PPARGC1A: variants seen among roughly 807,000 people sequenced by gnomAD.
PPARGC1A encodes PPARG coactivator 1 alpha.
Under a neutral mutation model 88.7 loss-of-function variants are expected in PPARGC1A, and 25 were observed. The ratio of observed to expected loss-of-function variants is 0.28; its 90% CI spans 0.21 to 0.39. The LOEUF (loss-of-function observed/expected upper bound fraction) is 0.39, where lower values mean the gene tolerates loss of function less well. Among genes scored for constraint, PPARGC1A ranks in the 10% least tolerant of loss-of-function variants. The pLI, the probability that PPARGC1A is intolerant of heterozygous loss-of-function variation, is 1.00. For missense variants in PPARGC1A, 880 were observed against 968.7 expected (o/e 0.91, Z 1.22); for synonymous variants, 363 against 355.6 (o/e 1.02, Z -0.24).
the PPARGC1A span, among the ~76,000 whole-genome samples, chr4:24,186,708 C>T: frequency 6.6e-6 from 1 of 152,078 alleles, no homozygotes; most frequent in Non-Finnish European, 1.5e-5. Context: ...ACTTGGAGCA[C>T]ACGCTCCTTT....
At chr4:24,319,427 CAG>C in the PPARGC1A span, among the ~76,000 whole-genome samples, 1 of 152,094 alleles carries the variant, frequency 6.6e-6, no homozygotes, top group Non-Finnish European at 1.5e-5. Context: ...ATTATGAAAA[CAG>C]AGAAGTGTCA....
At chr4:24,071,332 T>A in the PPARGC1A span, among the ~76,000 whole-genome samples, 1 of 152,190 alleles carries the variant, frequency 6.6e-6, no homozygotes, top group Non-Finnish European at 1.5e-5. Context: ...ATACTCTGTT[T>A]CCTCATCTAA....
chr4:23,841,584 T>C (rs1171043132), intron 2 of PPARGC1A, among the ~76,000 whole-genome samples: 1 of 152,042 alleles, frequency 6.6e-6, no homozygotes, highest in African/African-American at 2.4e-5. Context: ...AATTGAATCG[T>C]TTTGTATTGT....
chr4:24,217,816 TAATAA>T, the PPARGC1A span, among the ~76,000 whole-genome samples: 1,270 of 151,666 alleles, frequency 8.4e-3, 16 homozygotes, highest in African/African-American at 0.027. Context: ...AAAATAATAA[TAATAA>T]AATAAAATAA....
At chr4:23,948,493 G>C in the PPARGC1A span, among the ~76,000 whole-genome samples, 1 of 152,140 alleles carries the variant, frequency 6.6e-6, no homozygotes, top group East Asian at 1.9e-4. Flanking sequence ...CTGAGGTAGA[G>C]AGAGGCTCAG....
the PPARGC1A span, among the ~76,000 whole-genome samples, chr4:24,427,274 C>CT: frequency 6.8e-6 from 1 of 148,016 alleles, no homozygotes; most frequent in South Asian, 2.1e-4. Context: ...TGCATCTATT[C>CT]TTTATTTATT....
the PPARGC1A span, among the ~76,000 whole-genome samples, chr4:23,909,489 A>C: frequency 2.0e-5 from 3 of 150,784 alleles, no homozygotes; most frequent in African/African-American, 7.3e-5. Flanking sequence ...CCTCTAATAA[A>C]AGTTCTGGGA....
chr4:24,292,015 G>A, the PPARGC1A span, among the ~76,000 whole-genome samples: 2 of 152,188 alleles, frequency 1.3e-5, no homozygotes, highest in Non-Finnish European at 2.9e-5. Flanking sequence ...GAGTGACGTG[G>A]CTTCTCCAAA....
chr4:23,827,994 G>T (rs1383636804), intron 5 of PPARGC1A, among the ~76,000 whole-genome samples: 1 of 152,070 alleles, frequency 6.6e-6, no homozygotes, highest in Non-Finnish European at 1.5e-5. Context: ...ACTTCTTAAG[G>T]TGTATATAAC....
the PPARGC1A span, among the ~76,000 whole-genome samples, chr4:24,083,265 C>T: frequency 2.0e-5 from 3 of 152,126 alleles, no homozygotes; most frequent in Non-Finnish European, 4.4e-5. Flanking sequence ...GGCTGTCTCC[C>T]TAACTGAGCT....
chr4:23,898,208 G>A (rs779301993), intron 1 of PPARGC1A, among the ~76,000 whole-genome samples: 36 of 152,046 alleles, frequency 2.4e-4, no homozygotes, highest in Non-Finnish European at 4.3e-4. Flanking sequence ...GGTGTGGAGG[G>A]AGGAAAAAAG....
At chr4:24,363,246 T>C in the PPARGC1A span, among the ~76,000 whole-genome samples, 1 of 151,966 alleles carries the variant, frequency 6.6e-6, no homozygotes, top group Admixed American at 6.6e-5. Flanking sequence ...CTAACTTACC[T>C]GAGCCTCAAT....
chr4:24,432,610 TG>T, the PPARGC1A span, among the ~76,000 whole-genome samples: 61 of 152,336 alleles, frequency 4.0e-4, no homozygotes, highest in African/African-American at 1.4e-3. Flanking sequence ...AGAGGTGCCC[TG>T]GAAGAAAGCC....
At chr4:24,397,845 T>C in the PPARGC1A span, among the ~76,000 whole-genome samples, 7 of 152,328 alleles carry the variant, frequency 4.6e-5, no homozygotes, top group African/African-American at 1.7e-4. Flanking sequence ...CAAAACAGTG[T>C]ATAAAATGCT....
the PPARGC1A span, among the ~76,000 whole-genome samples, chr4:24,372,409 G>C: frequency 6.6e-6 from 1 of 152,116 alleles, no homozygotes; most frequent in African/African-American, 2.4e-5. Context: ...TTCCCCTGTG[G>C]TTCTGCTATG....
the PPARGC1A span, among the ~76,000 whole-genome samples, chr4:24,239,886 A>G: frequency 6.6e-6 from 1 of 152,082 alleles, no homozygotes; most frequent in Non-Finnish European, 1.5e-5. Context: ...GGCTATAGAA[A>G]GAGGAGTTTC....
At chr4:23,837,791 C>T (rs1289756857) in intron 2 of PPARGC1A, among the ~76,000 whole-genome samples, 1 of 152,156 alleles carries the variant, frequency 6.6e-6, no homozygotes, top group Non-Finnish European at 1.5e-5. Context: ...GGGAAAGCAA[C>T]TTTTATAATA....
chr4:24,177,903 T>C, the PPARGC1A span, among the ~76,000 whole-genome samples: 1 of 152,300 alleles, frequency 6.6e-6, no homozygotes, highest in South Asian at 2.1e-4. Flanking sequence ...TTATGTGGAA[T>C]TATGCAGATT....
chr4:23,890,503 G>C (rs1306565688), upstream of PPARGC1A, among the ~76,000 whole-genome samples: 1 of 151,604 alleles, frequency 6.6e-6, no homozygotes, highest in Non-Finnish European at 1.5e-5. Flanking sequence ...TCTCCAAGTG[G>C]ACTCAAGCTC....
Sources: allele counts gnomAD v4.1 joint callset (sites outside exome capture counted in the v4.1 genomes callset), GRCh38; gene constraint gnomAD v4.1.1; transcripts MANE v1.5; gene names NCBI Gene and HGNC (gene_info 2026-07-23, HGNC 2026-07-21).